G2E3: variants seen among roughly 807,000 people sequenced by gnomAD.
G2E3 encodes G2/M phase-specific E3 ubiquitin-protein ligase.
A neutral mutation model predicts 92.8 loss-of-function variants in G2E3; 35 were observed. The observed-to-expected ratio is 0.38, with a 90% CI of 0.29 to 0.50. The LOEUF (loss-of-function observed/expected upper bound fraction) is 0.50, where lower values mean the gene tolerates loss of function less well. Among genes scored for constraint, G2E3 ranks in the 20% least tolerant of loss-of-function variants. The probability of loss-of-function intolerance (pLI) is 0.94; values close to 1 mark genes in which losing one functional copy is unlikely to be tolerated. For missense variants in G2E3, 554 were observed against 823.8 expected (o/e 0.67, Z 4.01); for synonymous variants, 242 against 272.4 (o/e 0.89, Z 1.10).
rs931589614 is a variant in G2E3, at chr14:30,601,548, T to C, written c.753-222T>C. On this transcript the variant is annotated intron_variant, in intron 8 of 14. Transcript: ENST00000206595. ...TGTATGTGCATATACATACAAAATA[T>C]TTGTTTATATTCTTTGTATGTGCAT... Among the ~76,000 whole-genome samples the C allele has an allele frequency of 2.6e-5, 4 of 152,184 alleles. No homozygotes were observed. In the East Asian group the frequency reaches 7.7e-4, roughly 29 times the overall value.
chr14:30,566,809 A>T (rs1174605336), intron 1 of G2E3, among the ~76,000 whole-genome samples: 1 of 152,186 alleles, frequency 6.6e-6, no homozygotes, highest in East Asian at 1.9e-4. Context: ...TCTTTCACTG[A>T]TAATTATGTT....
In G2E3 at chr14:30,615,503, T is replaced by G; in HGVS notation, c.1828T>G (p.Leu610Val). Residue 610 changes from leucine to valine, a missense_variant, in exon 14 of 15, where the codon TTG becomes GTG. Transcript: ENST00000206595. Reference protein sequence around the residue: ...TVHTLPDVKALGFWNSYLQAV... With the variant: ...TVHTLPDVKAVGFWNSYLQAV... ...ACACACATTACCTGATGTGAAAGCT[T>G]TGGGGTTTTGGAACAGTTACTTACA... 1.9e-6 allele frequency: 3 copies of G among 1,602,674 alleles called. No individual in the cohort carries two copies. Among genetic ancestry groups the G allele is most frequent in the Non-Finnish European group, 2.6e-6 (3 of 1,175,870 alleles).
In G2E3 at chr14:30,585,814, A is replaced by T. The variant is rs528215018; in HGVS notation, c.38-904A>T. On this transcript the variant is annotated intron_variant, in intron 2 of 14. Transcript: ENST00000206595. The stretch of plus-strand genomic sequence containing the variant: ...TTATTGATTTGGGATTTTCTTTTTT[A>T]ACATAGGCTTGCATGAGCCTAAACA... 2.6e-5 allele frequency among the ~76,000 whole-genome samples: 4 copies of T among 152,024 alleles called. No homozygotes were observed. In the South Asian group the frequency reaches 8.3e-4, roughly 31 times the overall value.
At chr14:30,568,756 A>C (rs548398854) in intron 1 of G2E3, among the ~76,000 whole-genome samples, 1 of 152,310 alleles carries the variant, frequency 6.6e-6, no homozygotes, top group African/African-American at 2.4e-5. Flanking sequence ...ATTTATACAT[A>C]ATGTGCCCAA....
intron 2 of G2E3, among the ~76,000 whole-genome samples, chr14:30,584,826 C>CTTTTTTTTT (rs11322769): frequency 5.3e-5 from 4 of 75,392 alleles, no homozygotes; most frequent in Non-Finnish European, 9.7e-5. Flanking sequence ...TGATAGTGTC[C>CTTTTTTTTT]TTTTTTTTTT....
At chr14:30,576,996 G>A (rs988623332) in intron 1 of G2E3, among the ~76,000 whole-genome samples, 16 of 152,206 alleles carry the variant, frequency 1.1e-4, no homozygotes, top group African/African-American at 3.9e-4. Flanking sequence ...GGAGGCAGAG[G>A]CAGGCGGATC....
intron 1 of G2E3, among the ~76,000 whole-genome samples, chr14:30,570,862 T>C (rs890253981): frequency 6.6e-6 from 1 of 152,142 alleles, no homozygotes; most frequent in African/African-American, 2.4e-5. Flanking sequence ...TCAGAAAATA[T>C]ATTGTGGATC....
chr14:30,573,554 A>T (rs1765971009), intron 1 of G2E3: 1 of 151,986 alleles, frequency 6.6e-6, no homozygotes, highest in South Asian at 2.1e-4. Context: ...CAAACTGGAG[A>T]CCCAGGAAAG....
Position 30,616,370 on chromosome 14 carries a change from A to G in G2E3, c.1957A>G (p.Ile653Val), listed in dbSNP as rs1338208576. 8 of 1,612,608 alleles carry G rather than the reference A, an allele frequency of 5.0e-6. No homozygotes were observed. Among genetic ancestry groups the G allele is most frequent in the Middle Eastern group, 1.7e-4 (1 of 6,048 alleles). Residue 653 changes from isoleucine to valine, a missense_variant, in exon 15 of 15, where the codon ATT becomes GTT. By Grantham distance (29) the Ile-to-Val change is conservative (BLOSUM62 3). Coordinates refer to ENST00000206595, the MANE Select transcript of G2E3 (RefSeq NM_017769.5). ...AGCTGGATTTAAACCCACTCCTTCA[A>G]TTGAGTGTCTGCATGTGGATTTTCC... ...PPAGFKPTPS[I>V]ECLHVDFPVG...
At chr14:30,604,770 T>A (rs993536482) in intron 10 of G2E3, among the ~76,000 whole-genome samples, 5 of 152,260 alleles carry the variant, frequency 3.3e-5, no homozygotes, top group African/African-American at 1.2e-4. Context: ...AAGGAGAGAT[T>A]ACATTTGCTT....
intron 1 of G2E3, among the ~76,000 whole-genome samples, chr14:30,571,351 G>A (rs1879751891): frequency 1.3e-5 from 2 of 151,672 alleles, no homozygotes; most frequent in South Asian, 4.2e-4. Flanking sequence ...ATGCATTGTG[G>A]ATATAAATCC....
intron 4 of G2E3, chr14:30,590,627 A>G: frequency 2.2e-6 from 1 of 455,228 alleles, no homozygotes; most frequent in Non-Finnish European, 4.4e-6. Flanking sequence ...AGTTGAGGCA[A>G]AGAAGTGGAG....
intron 12 of G2E3, among the ~76,000 whole-genome samples, chr14:30,609,320 C>G (rs1373970300): frequency 2.0e-5 from 3 of 152,208 alleles, no homozygotes; most frequent in African/African-American, 4.8e-5. Context: ...GTCCCTACCA[C>G]CAGTCTCAAG....
At chr14:30,582,785 T>TA (rs1177971565) in intron 2 of G2E3, among the ~76,000 whole-genome samples, 1 of 152,176 alleles carries the variant, frequency 6.6e-6, no homozygotes, top group Non-Finnish European at 1.5e-5. Flanking sequence ...TTAGGAGAGA[T>TA]ACTTCGAGTT....
chr14:30,567,977 C>T (rs1357008695), intron 1 of G2E3, among the ~76,000 whole-genome samples: 1 of 152,004 alleles, frequency 6.6e-6, no homozygotes, highest in Non-Finnish European at 1.5e-5. Context: ...TATTGTTCCA[C>T]GTGCATTTGA....
chr14:30,601,126 G>A (rs982381204), intron 8 of G2E3, among the ~76,000 whole-genome samples: 3 of 152,050 alleles, frequency 2.0e-5, no homozygotes, highest in Non-Finnish European at 4.4e-5. Context: ...TCACACACAC[G>A]GGGAGCTAAA....
At position 30,617,541 on chromosome 14, in the gene G2E3, C is replaced by T. The variant is rs1282259479; in HGVS notation, c.*1007C>T. The T allele has an allele frequency of 1.3e-5, 2 of 151,872 alleles. No individual in the cohort carries two copies. The highest frequency in any genetic ancestry group is 2.9e-5 in the Non-Finnish European group (2 of 67,940). The allele number at this position is 151,872 out of a possible 1,614,324, so 9.4% of individuals were successfully genotyped here. A position where few individuals can be genotyped will look rare whatever the true frequency, so the allele number is the denominator to read the frequency against. On this transcript the variant is annotated 3_prime_UTR_variant, in exon 15 of 15. Transcript: ENST00000206595. ...TATTTATTATCAAGTTGGTTGTATG[C>T]TAAGGTAAGTTGACGCCATAGCATT...
At position 30,593,468 on chromosome 14, in the gene G2E3, T is replaced by A. The variant is rs376704586; in HGVS notation, c.363-6T>A. On this transcript the variant is annotated splice_region_variant and splice_polypyrimidine_tract_variant and intron_variant, in intron 5 of 14. Transcript: ENST00000206595. ...GAGATTTTTTTAAAATAATTTACAT[T>A]TTTAGGTCATTTTGTTGGGACCATC... The A allele has an allele frequency of 2.1e-6, 3 of 1,421,540 alleles. No individual in the cohort carries two copies. The African/African-American group carries it at 4.3e-5, about 20-fold the overall frequency. 88.1% of individuals were successfully genotyped at this position (1,421,540 alleles called of 1,614,324 possible). A position where few individuals can be genotyped will look rare whatever the true frequency, so the allele number is the denominator to read the frequency against.
chr14:30,570,849 T>C (rs1028773762), intron 1 of G2E3, among the ~76,000 whole-genome samples: 1 of 152,162 alleles, frequency 6.6e-6, no homozygotes, highest in African/African-American at 2.4e-5. Flanking sequence ...TTGAAGAGTT[T>C]TTTCAGAAAA....
Sources: allele counts gnomAD v4.1 joint callset (sites outside exome capture counted in the v4.1 genomes callset), GRCh38; gene constraint gnomAD v4.1.1; transcripts MANE v1.5; gene names NCBI Gene and HGNC (gene_info 2026-07-23, HGNC 2026-07-21).